SLC18A2: variants seen among roughly 807,000 people sequenced by gnomAD.
The protein encoded by SLC18A2 is solute carrier family 18 member A2.
Under a neutral mutation model 59.2 loss-of-function variants are expected in SLC18A2, and 33 were observed. The ratio of observed to expected loss-of-function variants is 0.56; its 90% confidence interval spans 0.42 to 0.75. The LOEUF (loss-of-function observed/expected upper bound fraction) is 0.75, where lower values mean the gene tolerates loss of function less well. Ranked by LOEUF, SLC18A2 falls within the 30% of genes least tolerant of loss-of-function variation. The probability of loss-of-function intolerance (pLI) is 0.00; values close to 1 mark genes in which losing one functional copy is unlikely to be tolerated. For synonymous variants in SLC18A2, 228 were observed against 253.5 expected (o/e 0.90, Z 0.95); for missense variants, 569 against 668.6 (o/e 0.85, Z 1.64).
At chr10:117,255,406 AT>A in intron 7 of SLC18A2, 40 bp downstream of exon 7, 1 of 1,614,036 alleles carries the variant, frequency 6.2e-7, no homozygotes, top group Non-Finnish European at 8.5e-7. Context: ...TGACCTTGGC[AT>A]CGTGCTGGCA....
At chr10:117,274,883 G>A (rs1844467248) in intron 15 of SLC18A2, among the ~76,000 whole-genome samples, 1 of 152,128 alleles carries the variant, frequency 6.6e-6, no homozygotes, top group Non-Finnish European at 1.5e-5. Flanking sequence ...GCAACACCTA[G>A]TAGGTGTCCC....
chr10:117,265,858 G>A (rs184593640), intron 10 of SLC18A2, among the ~76,000 whole-genome samples: 3 of 152,306 alleles, frequency 2.0e-5, no homozygotes, highest in Non-Finnish European at 4.4e-5. Flanking sequence ...GGGAGGCTGA[G>A]GCAGGCGGAT....
intron 10 of SLC18A2, among the ~76,000 whole-genome samples, chr10:117,261,094 A>T (rs1844289218): frequency 6.6e-6 from 1 of 152,152 alleles, no homozygotes; most frequent in Non-Finnish European, 1.5e-5. Flanking sequence ...CCGGTGGCTT[A>T]TGCCTGTAAT....
intron 15 of SLC18A2, among the ~76,000 whole-genome samples, chr10:117,271,687 C>T (rs1180218950): frequency 6.6e-6 from 1 of 152,170 alleles, no homozygotes; most frequent in Non-Finnish European, 1.5e-5. Flanking sequence ...GATGCTTCCC[C>T]AGCTCTGAAA....
At chr10:117,271,143 C>T (rs1265211596) in intron 15 of SLC18A2, among the ~76,000 whole-genome samples, 1 of 152,228 alleles carries the variant, frequency 6.6e-6, no homozygotes, top group Admixed American at 6.5e-5. Context: ...CAAGGAGACG[C>T]TCAGTGTTTC....
intron 10 of SLC18A2, among the ~76,000 whole-genome samples, chr10:117,260,030 T>C (rs1844277217): frequency 6.6e-6 from 1 of 152,256 alleles, no homozygotes; most frequent in East Asian, 1.9e-4. Flanking sequence ...TCTTTTAAAC[T>C]GCTTATTGAG....
At position 117,248,829 on chromosome 10, in the gene SLC18A2, G is replaced by T. The variant is rs193123039; in HGVS notation, c.464+4516G>T. Among the ~76,000 whole-genome samples, 10 of 152,324 alleles carry T rather than the reference G, an allele frequency of 6.6e-5. No homozygotes were observed. The East Asian group carries it at 1.9e-3, about 29-fold the overall frequency. On this transcript the variant is annotated intron_variant, in intron 3 of 15. Transcript: ENST00000644641. ...AAAGATATTCCACACCAAACGACTG[G>T]CTTGGGAAAGAGTTAACTTCATTGC...
chr10:117,247,388 CAGG>C (rs1425233607), intron 3 of SLC18A2, among the ~76,000 whole-genome samples: 1 of 152,202 alleles, frequency 6.6e-6, no homozygotes, highest in Admixed American at 6.5e-5. Context: ...GTTTGCAGTT[CAGG>C]AGGAGAAAGC....
chr10:117,259,950 C>T (rs363250), intron 10 of SLC18A2, among the ~76,000 whole-genome samples: 5,906 of 152,252 alleles, frequency 0.039, 301 homozygotes, highest in East Asian at 0.17. Flanking sequence ...GTTGGCTGAG[C>T]GTTAGGCTCC....
intron 15 of SLC18A2, 97 bp from the exon 16 acceptor site, chr10:117,277,065 T>A: frequency 1.4e-6 from 1 of 697,206 alleles, no homozygotes; most frequent in South Asian, 1.9e-5. Flanking sequence ...TAATACTACA[T>A]AGTTTTCAAA....
chr10:117,255,567 T>C (rs754140217), intron 8 of SLC18A2, 30 bp from the exon 9 acceptor site: 33 of 1,614,144 alleles, frequency 2.0e-5, no homozygotes, highest in Admixed American at 6.7e-5. Flanking sequence ...GGCATGGTGC[T>C]GCTTCTGACC....
intron 3 of SLC18A2, among the ~76,000 whole-genome samples, chr10:117,246,651 ATT>A (rs144696052): frequency 6.6e-6 from 1 of 150,380 alleles, no homozygotes; most frequent in South Asian, 2.1e-4. Context: ...GGACAAACAA[ATT>A]TTTTTTTCTT....
chr10:117,276,861 C>G (rs1844504116), intron 15 of SLC18A2, among the ~76,000 whole-genome samples: 1 of 152,078 alleles, frequency 6.6e-6, no homozygotes, highest in African/African-American at 2.4e-5. Context: ...CTAAGTATAA[C>G]AAACCTAACC....
At chr10:117,256,341 C>A (rs1173412240) in intron 9 of SLC18A2, among the ~76,000 whole-genome samples, 2 of 152,154 alleles carry the variant, frequency 1.3e-5, no homozygotes, top group African/African-American at 4.8e-5. Flanking sequence ...TAACCAGGGA[C>A]CAGCCTTGTG....
intron 8 of SLC18A2, 34 bp downstream of exon 8, chr10:117,255,556 G>C (rs1283451059): frequency 1.9e-6 from 3 of 1,614,014 alleles, no homozygotes; most frequent in African/African-American, 2.7e-5. Context: ...CTGGGGGAGG[G>C]GGCATGGTGC....
Position 117,269,429 on chromosome 10 carries a change from G to A in SLC18A2, c.1187-642G>A, listed in dbSNP as rs2532810. ...TCATAAATACACACATATACATACA[G>A]ACATACACCCCAGCAACAACCACGA... On this transcript the variant is annotated intron_variant, in intron 13 of 15. Coordinates refer to ENST00000644641, the MANE Select transcript of SLC18A2 (RefSeq NM_003054.6). This position sits in a 1 kb window ranked among gnomAD's most constrained non-coding sequence, Gnocchi z 5.1. Among the ~76,000 whole-genome samples, 7,481 of 151,972 alleles carry A rather than the reference G, an allele frequency of 0.049. 209 individuals are homozygous for A. Among genetic ancestry groups the A allele is most frequent in the South Asian group, 0.082 (396 of 4,806 alleles).
At position 117,258,659 on chromosome 10, in the gene SLC18A2, G is replaced by A. The variant is rs557169860; in HGVS notation, c.991+767G>A. Among the ~76,000 whole-genome samples the A allele has an allele frequency of 1.5e-4, 23 of 151,922 alleles. No individual in the cohort carries two copies. The South Asian group carries it at 4.8e-3, about 32-fold the overall frequency. On this transcript the variant is annotated intron_variant, in intron 10 of 15. Coordinates refer to ENST00000644641, the MANE Select transcript of SLC18A2 (RefSeq NM_003054.6). ...GGAAAAACAGCTGTCTTTTTCCCAC[G>A]CCTCTTGATCCCCAAAGCCCTTCAG...
rs2133724067 is a variant in SLC18A2 at position 117,241,821 on chromosome 10, G to T, written c.121+7G>T. On this transcript the variant is annotated splice_region_variant and intron_variant, in intron 2 of 15. Transcript: ENST00000644641. Reference sequence around the variant, plus strand: ...ATGCTGCTCACTGTCGTGGGTACGTGCGGACAGGGCACCCCTGCCCCGGCA... The same window carrying T: ...ATGCTGCTCACTGTCGTGGGTACGTTCGGACAGGGCACCCCTGCCCCGGCA... The T allele has an allele frequency of 1.2e-6, 2 of 1,603,124 alleles. No individual in the cohort carries two copies.
chr10:117,255,702 G>A, intron 9 of SLC18A2, 45 bp downstream of exon 9: 2 of 1,581,116 alleles, frequency 1.3e-6, no homozygotes, highest in Non-Finnish European at 1.7e-6. Flanking sequence ...GCGAGGTGAT[G>A]GCCGCGTGCT....
Sources: allele counts gnomAD v4.1 joint callset (sites outside exome capture counted in the v4.1 genomes callset), GRCh38; gene constraint gnomAD v4.1.1; non-coding constraint Gnocchi (gnomAD v3.1); transcripts MANE v1.5; gene names NCBI Gene and HGNC (gene_info 2026-07-23, HGNC 2026-07-21).